SF3B3: variants seen among roughly 807,000 people sequenced by gnomAD.
The protein encoded by SF3B3 is splicing factor 3b subunit 3.
In SF3B3, 33 loss-of-function variants were observed where a neutral mutation model predicts 139.2. The ratio of observed to expected loss-of-function variants is 0.24; its 90% CI spans 0.18 to 0.32. The LOEUF is 0.32. Ranked by LOEUF, SF3B3 falls within the 10% of genes least tolerant of loss-of-function variation. The probability of loss-of-function intolerance (pLI) is 1.00; values close to 1 mark genes in which losing one functional copy is unlikely to be tolerated. For synonymous variants in SF3B3, 596 were observed against 563.6 expected, an observed-to-expected ratio of 1.06 and a Z score of -0.81; for missense variants, 818 against 1,509.4, an observed-to-expected ratio of 0.54 and a Z score of 7.59.
At chr16:70,567,308 T>G in intron 20 of SF3B3, 103 bp from the exon 21 acceptor site, 1 of 1,307,260 alleles carries the variant, frequency 7.6e-7, no homozygotes, top group Non-Finnish European at 1.1e-6. Context: ...GGTGTGTTTC[T>G]TAATGATAGG....
chr16:70,555,259 G>T, intron 13 of SF3B3, 53 bp downstream of exon 13: 1 of 1,499,094 alleles, frequency 6.7e-7, no homozygotes. Flanking sequence ...CAGAGGGAAA[G>T]ATGGGCATTG....
intron 9 of SF3B3, among the ~76,000 whole-genome samples, chr16:70,543,278 C>T (rs1231899930): frequency 2.0e-5 from 3 of 151,738 alleles, no homozygotes; most frequent in African/African-American, 4.8e-5. Context: ...GGCATGGTGG[C>T]GCATGCCTGT....
chr16:70,553,929 A>G (rs1386236182), intron 11 of SF3B3, among the ~76,000 whole-genome samples: 1 of 152,192 alleles, frequency 6.6e-6, no homozygotes, highest in African/African-American at 2.4e-5. Context: ...CATTGGGACT[A>G]GGATTCTCAG....
At chr16:70,539,245 G>A in intron 8 of SF3B3, 38 bp downstream of exon 8, 1 of 1,476,008 alleles carries the variant, frequency 6.8e-7, no homozygotes, top group Non-Finnish European at 9.5e-7. Context: ...CACCCTGGTT[G>A]GGATAAAAGT....
In SF3B3 at chr16:70,570,350, T is replaced by TTGC. The variant is rs1555501227; in HGVS notation, c.3408+201_3408+202insTGC. 2.7e-5 allele frequency among the ~76,000 whole-genome samples: 4 copies of TTGC among 150,494 alleles called. No individual in the cohort carries two copies. In the South Asian group the frequency reaches 8.6e-4, roughly 33 times the overall value. Reference sequence around the variant, plus strand: ...GCCATTTGGTTTTTTTTTTTTTTTTTGCGACGGAGTCTCACTGTTACCCGG... The same window carrying TTGC: ...GCCATTTGGTTTTTTTTTTTTTTTTTTGCGCGACGGAGTCTCACTGTTACCCGG... On this transcript the variant is annotated intron_variant, in intron 24 of 25. Coordinates refer to ENST00000302516, the MANE Select transcript of SF3B3 (RefSeq NM_012426.5).
intron 1 of SF3B3, among the ~76,000 whole-genome samples, chr16:70,525,957 C>CAAAAA (rs920550920): frequency 7.1e-5 from 3 of 42,264 alleles, no homozygotes; most frequent in East Asian, 8.9e-4. Flanking sequence ...TGAGACGCCT[C>CAAAAA]AAAAAAAAAA....
intron 4 of SF3B3, 116 bp from the exon 5 acceptor site, chr16:70,532,363 A>AAAAAAAAAAAAG: frequency 1.2e-6 from 1 of 820,124 alleles, no homozygotes; most frequent in Non-Finnish European, 1.9e-6. Context: ...TCTCCAAAAA[A>AAAAAAAAAAAAG]AAAAGAAGAC....
At chr16:70,565,688 T>TACCA in intron 20 of SF3B3, 164 bp downstream of exon 20, 2 of 635,600 alleles carry the variant, frequency 3.1e-6, no homozygotes, top group Non-Finnish European at 5.4e-6. Context: ...GTGATGTTCT[T>TACCA]GTGCCTGTGC....
At chr16:70,531,433 C>A (rs965746081) in intron 4 of SF3B3, among the ~76,000 whole-genome samples, 1 of 152,214 alleles carries the variant, frequency 6.6e-6, no homozygotes, top group South Asian at 2.1e-4. Flanking sequence ...GCTGCCACAA[C>A]GCCCAGCTAA....
At chr16:70,554,653 T>C in intron 12 of SF3B3, 56 bp downstream of exon 12, 1 of 1,572,802 alleles carries the variant, frequency 6.4e-7, no homozygotes, top group Non-Finnish European at 8.7e-7. Flanking sequence ...TTGGCCTTCA[T>C]TGTGATGCAG....
At chr16:70,547,842 G>A (rs1597715416) in intron 10 of SF3B3, among the ~76,000 whole-genome samples, 1 of 152,108 alleles carries the variant, frequency 6.6e-6, no homozygotes, top group Admixed American at 6.5e-5. Context: ...CACCCGCCTC[G>A]GCATCCCAAA....
At chr16:70,548,344 C>G in intron 10 of SF3B3, 26 bp from the exon 11 acceptor site, 1 of 1,603,294 alleles carries the variant, frequency 6.2e-7, no homozygotes. Flanking sequence ...CTCACTGGAT[C>G]TGTGGCTTCC....
chr16:70,566,708 A>G (rs2050480440), intron 20 of SF3B3, among the ~76,000 whole-genome samples: 2 of 152,122 alleles, frequency 1.3e-5, no homozygotes. Context: ...TCTAAGAAAT[A>G]CTTCATAGAC....
At chr16:70,556,400 A>C in intron 14 of SF3B3, 66 bp downstream of exon 14, 1 of 1,554,928 alleles carries the variant, frequency 6.4e-7, no homozygotes, top group Non-Finnish European at 8.9e-7. Context: ...CCTGATGTCT[A>C]TCTCTGAGAT....
chr16:70,537,201 G>C (rs1597709182), intron 6 of SF3B3, among the ~76,000 whole-genome samples: 1 of 152,200 alleles, frequency 6.6e-6, no homozygotes. Flanking sequence ...AGGGAGTGAT[G>C]TATAAGTGAT....
chr16:70,550,000 T>C (rs1241916583), intron 11 of SF3B3, among the ~76,000 whole-genome samples: 1 of 152,162 alleles, frequency 6.6e-6, no homozygotes, highest in Non-Finnish European at 1.5e-5. Context: ...CAGGAAGTTA[T>C]AGGGGTTGAG....
chr16:70,529,082 C>T lies in SF3B3; in HGVS notation c.280C>T (p.Pro94Ser), dbSNP rs368676415. ...TCGAATTGTTATTTTGGAATACCAGCCATCTAAGAATATGTTTGAGAAGAT... is the reference window on the plus strand; with the variant it reads ...TCGAATTGTTATTTTGGAATACCAGTCATCTAAGAATATGTTTGAGAAGAT... ...SGRIVILEYQ[P>S]SKNMFEKIHQ... Residue 94 changes from proline to serine, a missense_variant, in exon 3 of 26, where the codon CCA becomes TCA. By Grantham distance (74) the Pro-to-Ser change is moderately conservative. This residue lies in a region of SF3B3 where 144 missense variants were observed against 259.2 expected (regional missense o/e 0.56). Coordinates refer to ENST00000302516, the MANE Select transcript of SF3B3 (RefSeq NM_012426.5). The T allele has an allele frequency of 1.1e-5, 17 of 1,614,010 alleles. No homozygotes were observed. The African/African-American group carries it at 2.1e-4, about 20-fold the overall frequency.
At chr16:70,556,027 C>G (rs2151789446) in intron 13 of SF3B3, 152 bp from the exon 14 acceptor site, 1 of 689,318 alleles carries the variant, frequency 1.5e-6, no homozygotes, top group East Asian at 2.7e-5. Context: ...TAGATAAATT[C>G]TTGTCATTTA....
rs1361436500 is a variant in SF3B3 at position 70,567,451 on chromosome 16, A to G, written c.2867A>G (p.Gln956Arg). Reference protein sequence around the residue: ...EEVPAAIAPFQGRVLIGVGKL... With the variant: ...EEVPAAIAPFRGRVLIGVGKL... ...GTCCCTGCTGCTATTGCCCCATTCC[A>G]GGGGAGGGTGTTGATTGGTGTGGGG... The change falls in exon 21 of 26, where the codon CAG (glutamine) becomes CGG (arginine). Residue 956 changes from glutamine to arginine, a missense_variant. Gln to Arg is a conservative substitution (Grantham distance 43). Around this residue, in one of 14 missense-constraint regions of SF3B3, gnomAD observed 145 missense variants for 153.6 expected, o/e 0.94. Transcript: ENST00000302516. The G allele has an allele frequency of 6.2e-7, 1 of 1,613,898 alleles. No homozygotes were observed. The highest frequency in any genetic ancestry group is 8.5e-7 in the Non-Finnish European group (1 of 1,179,908).
Sources: gnomAD v4.1 joint callset for allele counts (sites outside exome capture counted in the v4.1 genomes callset) on GRCh38, gnomAD v4.1.1 for gene constraint, gnomAD v4.1.1 regional missense constraint, MANE v1.5 for transcripts, NCBI Gene and HGNC (gene_info 2026-07-23, HGNC 2026-07-21) for gene names.